TENM1: variants seen among roughly 807,000 people sequenced by gnomAD.
TENM1 encodes teneurin transmembrane protein 1.
A neutral mutation model predicts 174.8 loss-of-function variants in TENM1; 35 were observed. The observed-to-expected ratio is 0.20, with a 90% confidence interval of 0.15 to 0.27. The LOEUF is 0.27. TENM1 is among the 10% of genes least tolerant of loss of function. The probability of loss-of-function intolerance (pLI) is 1.00; values close to 1 mark genes in which losing one functional copy is unlikely to be tolerated. For missense variants in TENM1, 1,633 were observed against 2,130.1 expected (o/e 0.77, Z 4.59); for synonymous variants, 781 against 798.7 (o/e 0.98, Z 0.37).
At chrX:124,420,967 A>G (rs2060645688) in intron 24 of TENM1, 146 bp from the exon 28 acceptor site, 1 of 527,694 alleles carries the variant, frequency 1.9e-6, no homozygotes. Context: ...CCTGAAAAAT[A>G]TGAAGCCTAT....
intron 31 of TENM1, 128 bp downstream of exon 34, chrX:124,382,542 G>T: frequency 1.6e-5 from 10 of 606,860 alleles, no homozygotes; most frequent in East Asian, 1.2e-4. Flanking sequence ...CTCATTAATT[G>T]TGCACGTTTT....
chrX:124,885,469 A>T (rs1275812372), intron 3 of TENM1, among the ~76,000 whole-genome samples: 3 of 111,022 alleles, frequency 2.7e-5, no homozygotes. Flanking sequence ...GTGTATAGTT[A>T]ATTATGTTAC....
intron 1 of TENM1, among the ~76,000 whole-genome samples, chrX:124,934,206 T>C (rs1332854999): frequency 1.8e-5 from 2 of 112,261 alleles, no homozygotes. Flanking sequence ...ATTTATTTTT[T>C]AACCAGTCAC....
the TENM1 span, among the ~76,000 whole-genome samples, chrX:125,084,857 G>A: frequency 9.0e-6 from 1 of 111,479 alleles, no homozygotes. Flanking sequence ...TGAACAACCA[G>A]GAGAGACTAT....
intron 5 of TENM1, among the ~76,000 whole-genome samples, chrX:124,694,116 C>T (rs780728431): frequency 9.0e-6 from 1 of 111,706 alleles, no homozygotes; most frequent in Non-Finnish European, 1.9e-5. Context: ...CAAGTTAATG[C>T]CCCCATGCCC....
intron 3 of TENM1, among the ~76,000 whole-genome samples, chrX:124,747,621 A>G (rs982921807): frequency 2.8e-5 from 3 of 108,844 alleles, no homozygotes; most frequent in Admixed American, 9.7e-5. Flanking sequence ...AAGTTTTTCA[A>G]AAGGTACTCA....
the TENM1 span, among the ~76,000 whole-genome samples, chrX:125,154,990 C>A: frequency 3.6e-5 from 4 of 111,526 alleles, no homozygotes; most frequent in Admixed American, 9.5e-5. Flanking sequence ...GCTCCCACAG[C>A]GTGGAAGGGG....
chrX:124,519,422 T>C (rs1447738205), intron 18 of TENM1, among the ~76,000 whole-genome samples: 3 of 111,018 alleles, frequency 2.7e-5, no homozygotes, highest in African/African-American at 6.6e-5. Context: ...TCTTTCTCTT[T>C]CCCTCTGGGA....
At chrX:124,533,856 T>C (rs1569536571) in intron 15 of TENM1, among the ~76,000 whole-genome samples, 1 of 111,288 alleles carries the variant, frequency 9.0e-6, no homozygotes. Context: ...CGGCAGGCAT[T>C]GCATACTTTC....
chrX:124,646,455 C>T (rs1423600726), intron 9 of TENM1, among the ~76,000 whole-genome samples: 1 of 112,007 alleles, frequency 8.9e-6, no homozygotes, highest in Non-Finnish European at 1.9e-5. Context: ...GTTTCTTTGC[C>T]CATAAAAATT....
intron 25 of TENM1, among the ~76,000 whole-genome samples, chrX:124,407,666 C>CT (rs1251184366): frequency 8.9e-5 from 10 of 112,537 alleles, no homozygotes; most frequent in African/African-American, 1.3e-4. Flanking sequence ...TTGGACTGTA[C>CT]TTTATAGGAC....
the TENM1 span, among the ~76,000 whole-genome samples, chrX:125,195,483 C>T: frequency 8.9e-6 from 1 of 111,968 alleles, no homozygotes; most frequent in Admixed American, 9.5e-5. Context: ...ATTAAAATTA[C>T]CTCACTTTCA....
chrX:125,132,398 AT>A, the TENM1 span, among the ~76,000 whole-genome samples: 2 of 110,844 alleles, frequency 1.8e-5, no homozygotes, highest in Non-Finnish European at 3.8e-5. Flanking sequence ...GCCTTTTCTC[AT>A]TTTTCTCATG....
intron 11 of TENM1, among the ~76,000 whole-genome samples, chrX:124,580,429 T>C (rs185453644): frequency 3.7e-5 from 4 of 107,915 alleles, no homozygotes; most frequent in African/African-American, 1.3e-4. Flanking sequence ...CATATACATA[T>C]ATACACATAC....
intron 10 of TENM1, among the ~76,000 whole-genome samples, chrX:124,644,180 T>C (rs1411678407): frequency 2.5e-4 from 25 of 101,295 alleles, no homozygotes; most frequent in Non-Finnish European, 1.6e-4. Context: ...CATATATATA[T>C]ATAGACATAT....
intron 3 of TENM1, among the ~76,000 whole-genome samples, chrX:124,786,051 T>G (rs1404107121): frequency 9.0e-6 from 1 of 111,372 alleles, no homozygotes; most frequent in Non-Finnish European, 1.9e-5. Context: ...TATATACAAT[T>G]TTTTGGAGAA....
At chrX:124,530,865 AT>A (rs2048089515) in intron 15 of TENM1, among the ~76,000 whole-genome samples, 1 of 112,425 alleles carries the variant, frequency 8.9e-6, no homozygotes, top group Admixed American at 9.5e-5. Flanking sequence ...CCACTAAAAC[AT>A]ACAAGACTTT....
chrX:124,463,931 T>C (rs568296416), intron 22 of TENM1, among the ~76,000 whole-genome samples: 1 of 107,531 alleles, frequency 9.3e-6, no homozygotes, highest in Admixed American at 1.0e-4. Context: ...CAAGTTGAAA[T>C]GCACATGTCT....
chrX:124,810,873 G>A (rs2055753414), intron 3 of TENM1, among the ~76,000 whole-genome samples: 1 of 111,244 alleles, frequency 9.0e-6, no homozygotes, highest in East Asian at 2.8e-4. Flanking sequence ...TAACAGAATA[G>A]AGAGCCCAGA....
Sources: gnomAD v4.1 joint callset for allele counts (sites outside exome capture counted in the v4.1 genomes callset) on GRCh38, gnomAD v4.1.1 for gene constraint, MANE v1.5 for transcripts, NCBI Gene and HGNC (gene_info 2026-07-23, HGNC 2026-07-21) for gene names.